The following TENM1 variants were observed in gnomAD, a reference collection of about 807,000 sequenced individuals.
The protein encoded by TENM1 is teneurin transmembrane protein 1.
In TENM1, 35 loss-of-function variants were observed where a neutral mutation model predicts 174.8. The ratio of observed to expected loss-of-function variants is 0.20; its 90% CI spans 0.15 to 0.27. The LOEUF is 0.27. TENM1 is among the 10% of genes least tolerant of loss of function. The pLI, the probability that TENM1 is intolerant of heterozygous loss-of-function variation, is 1.00. For missense variants in TENM1, 1,633 were observed against 2,130.1 expected (o/e 0.77, Z 4.59); for synonymous variants, 781 against 798.7 (o/e 0.98, Z 0.37).
At chrX:125,056,983 CA>C in the TENM1 span, among the ~76,000 whole-genome samples, 2 of 109,174 alleles carry the variant, frequency 1.8e-5, no homozygotes, top group Non-Finnish European at 1.9e-5. Flanking sequence ...TTCAAACAAA[CA>C]AAAAAAAATC....
the TENM1 span, among the ~76,000 whole-genome samples, chrX:125,079,224 C>A: frequency 9.0e-6 from 1 of 111,341 alleles, no homozygotes; most frequent in Admixed American, 9.5e-5. Flanking sequence ...CCAAATGAAA[C>A]TCAATGTTTC....
At chrX:124,603,255 C>T (rs751979813) in intron 11 of TENM1, among the ~76,000 whole-genome samples, 1 of 111,716 alleles carries the variant, frequency 9.0e-6, no homozygotes, top group South Asian at 3.7e-4. Flanking sequence ...CTCTAGGAAA[C>T]TGATATACTA....
intron 4 of TENM1, among the ~76,000 whole-genome samples, chrX:124,712,350 C>T (rs1210458738): frequency 1.8e-5 from 2 of 110,961 alleles, no homozygotes; most frequent in Non-Finnish European, 3.8e-5. Context: ...CTCACCAATA[C>T]TTGTAATTTT....
intron 5 of TENM1, among the ~76,000 whole-genome samples, chrX:124,696,802 A>G (rs1316368915): frequency 9.0e-6 from 1 of 111,701 alleles, no homozygotes; most frequent in African/African-American, 3.2e-5. Flanking sequence ...AACAAAGGGT[A>G]AAACTGAATT....
At chrX:124,663,257 A>G (rs752196464) in intron 6 of TENM1, among the ~76,000 whole-genome samples, 2 of 112,191 alleles carry the variant, frequency 1.8e-5, no homozygotes, top group South Asian at 7.5e-4. Context: ...AGAAGAATAC[A>G]GAAGTAAACG....
chrX:124,959,596 T>C (rs949185662), intron 1 of TENM1, among the ~76,000 whole-genome samples: 1 of 110,962 alleles, frequency 9.0e-6, no homozygotes, highest in African/African-American at 3.3e-5. Flanking sequence ...CCCAGATCTG[T>C]TCTGAATCCT....
the TENM1 span, among the ~76,000 whole-genome samples, chrX:125,004,111 G>A: frequency 9.0e-6 from 1 of 111,696 alleles, no homozygotes; most frequent in South Asian, 3.7e-4. Flanking sequence ...TTTTCATATT[G>A]CACTTCAGTC....
chrX:124,524,853 A>C (rs2047939013), intron 16 of TENM1, among the ~76,000 whole-genome samples: 1 of 111,927 alleles, frequency 8.9e-6, no homozygotes, highest in South Asian at 3.8e-4. Context: ...TGAAAAGCAT[A>C]AACTCCTATA....
intron 1 of TENM1, among the ~76,000 whole-genome samples, chrX:124,942,647 A>G (rs1401165251): frequency 9.0e-6 from 1 of 111,681 alleles, no homozygotes; most frequent in Non-Finnish European, 1.9e-5. Flanking sequence ...GAGGAGAACT[A>G]AATTCTTACC....
chrX:124,689,638 G>C (rs1678425367), intron 5 of TENM1, among the ~76,000 whole-genome samples: 3 of 110,692 alleles, frequency 2.7e-5, no homozygotes, highest in Admixed American at 9.7e-5. Context: ...AAGCTCCTAA[G>C]CTCTCTGAGT....
chrX:124,701,519 T>C (rs1459913784), intron 5 of TENM1, among the ~76,000 whole-genome samples: 1 of 112,145 alleles, frequency 8.9e-6, no homozygotes, highest in African/African-American at 3.2e-5. Flanking sequence ...TTCATATGGC[T>C]TATTTGTAAA....
At chrX:125,163,596 G>A in the TENM1 span, among the ~76,000 whole-genome samples, 1 of 110,835 alleles carries the variant, frequency 9.0e-6, no homozygotes, top group Admixed American at 9.6e-5. Flanking sequence ...TTCGGAATAT[G>A]GTTTTAACAA....
intron 15 of TENM1, among the ~76,000 whole-genome samples, chrX:124,546,160 T>C (rs1289508450): frequency 8.9e-6 from 1 of 111,946 alleles, no homozygotes; most frequent in African/African-American, 3.2e-5. Flanking sequence ...TCTTAAAAAT[T>C]CCTGTTTGCA....
chrX:124,741,842 T>C (rs962172534), intron 3 of TENM1, among the ~76,000 whole-genome samples: 1 of 112,393 alleles, frequency 8.9e-6, no homozygotes, highest in Non-Finnish European at 1.9e-5. Context: ...TTCTGCTGTA[T>C]GCAGTTTTCT....
At chrX:124,448,960 A>G (rs1291855110) in intron 23 of TENM1, among the ~76,000 whole-genome samples, 1 of 111,362 alleles carries the variant, frequency 9.0e-6, no homozygotes, top group Non-Finnish European at 1.9e-5. Flanking sequence ...CCTTTAATAA[A>G]GGTAGAGGGT....
chrX:124,946,616 C>T (rs1051273383), intron 1 of TENM1, among the ~76,000 whole-genome samples: 18 of 111,284 alleles, frequency 1.6e-4, no homozygotes, highest in Non-Finnish European at 1.3e-4. Flanking sequence ...GAATGATCAG[C>T]GGTGTCAAAT....
rs1038926604 is a variant in TENM1 at position 124,926,623 on chromosome X, A to G, written c.218-30382T>C. On this transcript the variant is annotated intron_variant, in intron 1 of 31. Coordinates refer to ENST00000422452, the Ensembl canonical transcript of TENM1. ...CTGCCTGACCCATAATAGGTGTTCAATTAATGTACGTTGGATAGATAGATT... is the reference window on the plus strand; with the variant it reads ...CTGCCTGACCCATAATAGGTGTTCAGTTAATGTACGTTGGATAGATAGATT... Among the ~76,000 whole-genome samples the G allele has an allele frequency of 4.5e-5, 5 of 111,752 alleles. 1 individual carries two copies. Among genetic ancestry groups the G allele is most frequent in the African/African-American group, 1.6e-4 (5 of 30,683 alleles).
chrX:124,824,109 A>G (rs1263823205), intron 3 of TENM1, among the ~76,000 whole-genome samples: 1 of 111,365 alleles, frequency 9.0e-6, no homozygotes, highest in Non-Finnish European at 1.9e-5. Flanking sequence ...CATTTATTTC[A>G]TTTACATTTA....
At chrX:125,040,976 AC>A in the TENM1 span, among the ~76,000 whole-genome samples, 1 of 111,601 alleles carries the variant, frequency 9.0e-6, no homozygotes, top group Non-Finnish European at 1.9e-5. Flanking sequence ...AGATCACTTA[AC>A]TTGTCTATTG....
Sources: allele counts gnomAD v4.1 joint callset (sites outside exome capture counted in the v4.1 genomes callset), GRCh38; gene constraint gnomAD v4.1.1; transcripts MANE v1.5; gene names NCBI Gene and HGNC (gene_info 2026-07-23, HGNC 2026-07-21).